Variants in LGSN observed in about 807,000 individuals in gnomAD.
LGSN encodes lengsin, lens protein with glutamine synthetase domain.
A neutral mutation model predicts 19.5 loss-of-function variants in LGSN; 21 were observed. The observed-to-expected ratio is 1.07, with a 90% CI of 0.76 to 1.55. The LOEUF is 1.55. LGSN is among the 40% of genes most tolerant of loss of function. LGSN has a pLI of 0.00. For missense variants in LGSN, 673 were observed against 608.5 expected, an observed-to-expected ratio of 1.11 and a Z score of -1.12; for synonymous variants, 257 against 215.6, an observed-to-expected ratio of 1.19 and a Z score of -1.68.
chr6:63,399,521 A>G, the LGSN span, among the ~76,000 whole-genome samples: 1 of 150,814 alleles, frequency 6.6e-6, no homozygotes, highest in African/African-American at 2.4e-5. Context: ...CAGCCTCCTG[A>G]GTAGCTGGGA....
intron 1 of LGSN, among the ~76,000 whole-genome samples, chr6:63,309,150 T>G (rs989123136): frequency 1.3e-5 from 2 of 152,156 alleles, no homozygotes; most frequent in African/African-American, 4.8e-5. Context: ...TAAGCGCTTC[T>G]GGCCGGGCGC....
At chr6:63,562,008 A>T in the LGSN span, among the ~76,000 whole-genome samples, 1 of 152,212 alleles carries the variant, frequency 6.6e-6, no homozygotes, top group African/African-American at 2.4e-5. Context: ...TTGGAAAAAA[A>T]ATACAAAATA....
chr6:63,323,396 C>T (rs145173676), upstream of LGSN, among the ~76,000 whole-genome samples: 445 of 152,182 alleles, frequency 2.9e-3, 3 homozygotes, highest in African/African-American at 0.01. Flanking sequence ...CATCCCACTC[C>T]ACCCTTTTGA....
intron 2 of LGSN, chr6:63,293,645 A>C (rs1401515026): frequency 2.3e-6 from 1 of 432,420 alleles, no homozygotes; most frequent in Non-Finnish European, 4.6e-6. Context: ...TTTGTTCCAG[A>C]ATCCTTACCA....
chr6:63,366,665 C>T, the LGSN span, among the ~76,000 whole-genome samples: 4 of 152,136 alleles, frequency 2.6e-5, no homozygotes, highest in African/African-American at 9.7e-5. Flanking sequence ...AAGCTGGAGG[C>T]ATCATGCTAC....
chr6:63,361,510 C>T, the LGSN span, among the ~76,000 whole-genome samples: 1 of 152,122 alleles, frequency 6.6e-6, no homozygotes, highest in Non-Finnish European at 1.5e-5. Flanking sequence ...CGGAAAAGCG[C>T]AGTATTAGGG....
chr6:63,503,279 A>G, the LGSN span, among the ~76,000 whole-genome samples: 7 of 152,332 alleles, frequency 4.6e-5, no homozygotes, highest in Admixed American at 6.5e-5. Context: ...TCAGAGTTCT[A>G]TAGATACAGA....
the LGSN span, among the ~76,000 whole-genome samples, chr6:63,569,801 G>A: frequency 1.3e-5 from 2 of 152,116 alleles, no homozygotes; most frequent in African/African-American, 4.8e-5. Flanking sequence ...CCTTTTTGAT[G>A]TCTGGAAGCA....
At chr6:63,345,079 G>C in the LGSN span, among the ~76,000 whole-genome samples, 4 of 151,958 alleles carry the variant, frequency 2.6e-5, no homozygotes, top group East Asian at 7.7e-4. Context: ...ATTTACAATT[G>C]CACTTTTGGA....
chr6:63,392,594 T>G, the LGSN span: 1 of 152,118 alleles, frequency 6.6e-6, no homozygotes, highest in Admixed American at 6.5e-5. Flanking sequence ...CAACTTCAAA[T>G]TGCCTCCGGA....
chr6:63,422,580 A>G, the LGSN span, among the ~76,000 whole-genome samples: 1 of 152,168 alleles, frequency 6.6e-6, no homozygotes, highest in Non-Finnish European at 1.5e-5. Context: ...GGAGTAAACA[A>G]TTTGCATGAT....
At chr6:63,324,569 A>C (rs824371), upstream of LGSN, among the ~76,000 whole-genome samples, 42,065 of 152,056 alleles carry the variant, frequency 0.28, 6,616 homozygotes, top group African/African-American at 0.41. Context: ...CAAGTGTTTT[A>C]TCAGACTCCA....
rs774957794 is a variant in LGSN, at chr6:63,281,115, C to T, written c.436G>A (p.Asp146Asn). The T allele has an allele frequency of 2.5e-6, 4 of 1,613,620 alleles. No individual in the cohort carries two copies. The highest frequency in any genetic ancestry group is 2.2e-5 in the East Asian group (1 of 44,838). Residue 146 changes from aspartate to asparagine, a missense_variant, in exon 4 of 4, where the codon GAC (aspartate) becomes AAC (asparagine). By Grantham distance (23) the Asp-to-Asn change is conservative. Coordinates refer to ENST00000370657, the MANE Select transcript of LGSN (RefSeq NM_016571.3). Reference protein sequence around the residue: ...NNIRATCFNSDIVLMPELSTF... With the variant: ...NNIRATCFNSNIVLMPELSTF... Reference sequence around the variant, plus strand: ...GATAACTCTGGCATTAGGACTATGTCGCTATTAAAACATGTGGCTCTTATG... The same window carrying T: ...GATAACTCTGGCATTAGGACTATGTTGCTATTAAAACATGTGGCTCTTATG...
At chr6:63,341,776 A>G in the LGSN span, among the ~76,000 whole-genome samples, 1 of 152,010 alleles carries the variant, frequency 6.6e-6, no homozygotes, top group African/African-American at 2.4e-5. Context: ...AACCCTTCCT[A>G]TATTGGAAGA....
chr6:63,426,261 C>T, the LGSN span, among the ~76,000 whole-genome samples: 1 of 152,036 alleles, frequency 6.6e-6, no homozygotes, highest in East Asian at 1.9e-4. Flanking sequence ...TTTGCTTTTC[C>T]CTTTGGAATT....
chr6:63,339,739 A>G, the LGSN span, among the ~76,000 whole-genome samples: 10 of 151,894 alleles, frequency 6.6e-5, no homozygotes, highest in Admixed American at 1.3e-4. Flanking sequence ...ATTATTTTGT[A>G]TATCTTTTGT....
At position 63,280,588 on chromosome 6, in the gene LGSN, G is replaced by A. The variant is rs368947664; in HGVS notation, c.963C>T (p.Val321=). ...TGCAGAACATGTTTTTCTTCCTATC[G>A]ACATCCCAGAGACTATGAGACAAAA... is the stretch of plus-strand genomic sequence containing the variant. The part of the protein sequence containing the change: ...SGILSHSLWD[V]DRKKNMFCST... Residue 321 remains valine, a synonymous_variant, in exon 4 of 4, where the codon GTC becomes GTT. Transcript: ENST00000370657. The A allele has an allele frequency of 4.3e-6, 7 of 1,613,836 alleles. No homozygotes were observed. In the East Asian group the frequency reaches 6.7e-5, roughly 15 times the overall value.
the LGSN span, among the ~76,000 whole-genome samples, chr6:63,498,164 C>T: frequency 6.1e-4 from 93 of 152,006 alleles, no homozygotes; most frequent in Middle Eastern, 3.4e-3. Context: ...GTGATCCACC[C>T]GTCTTGGCCT....
intron 1 of LGSN, among the ~76,000 whole-genome samples, chr6:63,312,561 C>T (rs992635638): frequency 3.3e-5 from 5 of 151,986 alleles, no homozygotes; most frequent in African/African-American, 1.2e-4. Flanking sequence ...TTTTTTTTCT[C>T]CAAACTAAAA....
Sources: gnomAD v4.1 joint callset for allele counts (sites outside exome capture counted in the v4.1 genomes callset) on GRCh38, gnomAD v4.1.1 for gene constraint, MANE v1.5 for transcripts, NCBI Gene and HGNC (gene_info 2026-07-23, HGNC 2026-07-21) for gene names.